Variants in DTNB observed in about 807,000 individuals in gnomAD.
DTNB encodes DTN-B.
In DTNB, 63 loss-of-function variants were observed where a neutral mutation model predicts 90.7. That is an observed-to-expected ratio of 0.69 (90% CI 0.57 to 0.86). The LOEUF is 0.86. Among genes scored for constraint, DTNB ranks in the 40% least tolerant of loss-of-function variants. The probability of loss-of-function intolerance (pLI) is 0.00; values close to 1 mark genes in which losing one functional copy is unlikely to be tolerated. For synonymous variants in DTNB, 277 were observed against 286.7 expected, an observed-to-expected ratio of 0.97 and a Z score of 0.34; for missense variants, 744 against 807.1, an observed-to-expected ratio of 0.92 and a Z score of 0.95.
At chr2:25,430,417 T>C (rs2053465989) in intron 14 of DTNB, among the ~76,000 whole-genome samples, 1 of 152,118 alleles carries the variant, frequency 6.6e-6, no homozygotes, top group Admixed American at 6.5e-5. Context: ...GGGTGTGATA[T>C]TCTTTATCTG....
At chr2:25,473,500 CAGAA>C (rs933085738) in intron 10 of DTNB, among the ~76,000 whole-genome samples, 27 of 152,126 alleles carry the variant, frequency 1.8e-4, no homozygotes, top group Admixed American at 9.8e-4. Flanking sequence ...ATGTGTGTAT[CAGAA>C]AGAGAGACAG....
intron 16 of DTNB, among the ~76,000 whole-genome samples, chr2:25,411,436 A>G (rs1421288901): frequency 2.6e-5 from 4 of 152,202 alleles, no homozygotes; most frequent in African/African-American, 7.2e-5. Context: ...AAAAAAAATA[A>G]CAACAAACTG....
chr2:25,546,286 G>A (rs2082396615), intron 8 of DTNB, among the ~76,000 whole-genome samples: 2 of 152,310 alleles, frequency 1.3e-5, no homozygotes, highest in South Asian at 4.1e-4. Flanking sequence ...AAGGTTTTGT[G>A]CCAAAGGCTT....
At chr2:25,670,586 A>C (rs185503245) in intron 1 of DTNB, among the ~76,000 whole-genome samples, 2 of 152,300 alleles carry the variant, frequency 1.3e-5, no homozygotes, top group African/African-American at 4.8e-5. Flanking sequence ...TGTGCACTAC[A>C]CAACTCCAGC....
intron 2 of DTNB, among the ~76,000 whole-genome samples, chr2:25,651,064 G>A (rs1251828850): frequency 5.9e-5 from 9 of 152,140 alleles, no homozygotes; most frequent in Non-Finnish European, 1.3e-4. Flanking sequence ...TGGAAGAAGG[G>A]ATCAGGAAAT....
intron 16 of DTNB, among the ~76,000 whole-genome samples, chr2:25,412,553 C>T (rs143404742): frequency 3.3e-5 from 5 of 152,244 alleles, no homozygotes; most frequent in African/African-American, 7.2e-5. Context: ...AGTCTTTAAG[C>T]CTGATGATCA....
At position 25,474,376 on chromosome 2, in the gene DTNB, G is replaced by A. The variant is rs538700104; in HGVS notation, c.1079+8420C>T. ...CACAAAGACTTCATACATGCTAGTT[G>A]TTTCCTGAAACTATCATTAATTCTT... On this transcript the variant is annotated intron_variant, in intron 10 of 20. Coordinates refer to ENST00000406818, the MANE Select transcript of DTNB (RefSeq NM_021907.5). Among the ~76,000 whole-genome samples the A allele has an allele frequency of 2.0e-5, 3 of 150,476 alleles. No individual in the cohort carries two copies. In the South Asian group the frequency reaches 6.3e-4, roughly 32 times the overall value.
intron 9 of DTNB, among the ~76,000 whole-genome samples, chr2:25,516,756 G>A (rs923226763): frequency 2.0e-5 from 3 of 152,014 alleles, no homozygotes; most frequent in African/African-American, 4.8e-5. Flanking sequence ...TGGGCGTGGT[G>A]GTGGGCGCCT....
In DTNB at chr2:25,424,218, A is replaced by G. The variant is rs546246639; in HGVS notation, c.1554+3317T>C. ...TTTGTGTTTGCAAATTCTTCCTCCC[A>G]GTCTGAACAGCCTTAGCCTGTCAGA... On this transcript the variant is annotated intron_variant, in intron 15 of 20. Coordinates refer to ENST00000406818, the MANE Select transcript of DTNB (RefSeq NM_021907.5). This position sits in a 1 kb window ranked among gnomAD's most constrained non-coding sequence, Gnocchi z 4.1. Among the ~76,000 whole-genome samples the G allele has an allele frequency of 2.1e-4, 32 of 152,328 alleles. No homozygotes were observed. Among genetic ancestry groups the G allele is most frequent in the African/African-American group, 7.7e-4 (32 of 41,568 alleles).
chr2:25,536,345 A>G (rs1217914577), intron 8 of DTNB, among the ~76,000 whole-genome samples: 2 of 152,188 alleles, frequency 1.3e-5, no homozygotes, highest in Non-Finnish European at 2.9e-5. Flanking sequence ...TGGGAGGCCA[A>G]GGCAGGCAGC....
chr2:25,553,404 C>T (rs2056716547), intron 8 of DTNB, among the ~76,000 whole-genome samples: 1 of 151,992 alleles, frequency 6.6e-6, no homozygotes. Flanking sequence ...TTTTGTTAAT[C>T]TTCCAAGACT....
intron 16 of DTNB, among the ~76,000 whole-genome samples, chr2:25,405,675 G>A (rs931721446): frequency 6.6e-6 from 1 of 151,412 alleles, no homozygotes; most frequent in Non-Finnish European, 1.5e-5. Context: ...CATTTTAAAT[G>A]GTTATATAGT....
At chr2:25,589,652 G>A (rs559331753) in intron 6 of DTNB, among the ~76,000 whole-genome samples, 33 of 152,094 alleles carry the variant, frequency 2.2e-4, no homozygotes, top group Non-Finnish European at 3.2e-4. Flanking sequence ...GATTACAGGC[G>A]TGAGCCACCA....
chr2:25,488,129 A>G (rs1012461227), intron 9 of DTNB, among the ~76,000 whole-genome samples: 5 of 152,170 alleles, frequency 3.3e-5, no homozygotes, highest in Middle Eastern at 3.2e-3. Context: ...ATATAAATAT[A>G]TCATGTAGGA....
intron 3 of DTNB, among the ~76,000 whole-genome samples, chr2:25,638,556 A>G (rs1370393691): frequency 6.6e-6 from 1 of 152,234 alleles, no homozygotes; most frequent in African/African-American, 2.4e-5. Context: ...ACATATACAT[A>G]TATACAGACA....
intron 8 of DTNB, among the ~76,000 whole-genome samples, chr2:25,571,451 C>T (rs1175879459): frequency 6.6e-6 from 1 of 152,184 alleles, no homozygotes; most frequent in Non-Finnish European, 1.5e-5. Context: ...ACCTTGTCTC[C>T]TACAATCCTC....
At chr2:25,516,441 C>A (rs879804224) in intron 9 of DTNB, among the ~76,000 whole-genome samples, 1 of 151,862 alleles carries the variant, frequency 6.6e-6, no homozygotes, top group Non-Finnish European at 1.5e-5. Flanking sequence ...TAAGTAGAGA[C>A]GGGGTTTTGC....
rs375755281 is a variant in DTNB at position 25,628,259 on chromosome 2, A to G, written c.274T>C (p.Leu92=). ...ETVISSIYYQ[L]NKRLPSTHQI... is the part of the protein sequence containing the mutation. ...TGAGTAGAAGGAAGGCGCTTGTTCA[A>G]CTGATAGTAGATGGAGGAGATGACA... is the stretch of plus-strand genomic sequence containing the variant. Residue 92 remains leucine (L), a synonymous_variant, in exon 4 of 21, where the codon TTG becomes CTG. Coordinates refer to ENST00000406818, the MANE Select transcript of DTNB (RefSeq NM_021907.5). The G allele has an allele frequency of 7.4e-5, 120 of 1,613,244 alleles. No homozygotes were observed. The highest frequency in any genetic ancestry group is 6.6e-4 in the Middle Eastern group (4 of 6,082).
chr2:25,590,871 G>A (rs2063431408), intron 6 of DTNB, among the ~76,000 whole-genome samples: 1 of 152,218 alleles, frequency 6.6e-6, no homozygotes, highest in South Asian at 2.1e-4. Context: ...CTTCCACCCA[G>A]GGGCCTGTCT....
Sources: gnomAD v4.1 joint callset for allele counts (sites outside exome capture counted in the v4.1 genomes callset) on GRCh38, gnomAD v4.1.1 for gene constraint, Gnocchi (gnomAD v3.1) non-coding constraint, MANE v1.5 for transcripts, NCBI Gene and HGNC (gene_info 2026-07-23, HGNC 2026-07-21) for gene names.